The following PBX1 variants were observed in gnomAD, a reference collection of about 807,000 sequenced individuals.
PBX1 encodes the protein pre-B-cell leukemia transcription factor 1.
In PBX1, 6 loss-of-function variants were observed where a neutral mutation model predicts 53.4. The observed-to-expected ratio is 0.11, with a 90% CI of 0.06 to 0.22. The LOEUF is 0.22. Among genes scored for constraint, PBX1 ranks in the 10% least tolerant of loss-of-function variants. The pLI is 1.00. For synonymous variants in PBX1, 204 were observed against 212.3 expected (o/e 0.96, Z 0.34); for missense variants, 251 against 551.4 (o/e 0.46, Z 5.46).
chr1:164,799,369 T>C (rs1668948920), intron 3 of PBX1, among the ~76,000 whole-genome samples: 1 of 151,944 alleles, frequency 6.6e-6, no homozygotes, highest in African/African-American at 2.4e-5. Context: ...CGGGCGCCTG[T>C]AGTCCCAGCT....
intron 2 of PBX1, among the ~76,000 whole-genome samples, chr1:164,675,906 C>G (rs964359207): frequency 1.3e-5 from 2 of 152,168 alleles, no homozygotes; most frequent in African/African-American, 4.8e-5. Flanking sequence ...TGCCAGGTCT[C>G]TCTCTACTCT....
In PBX1 at chr1:164,848,218, G is replaced by A. The variant is rs1671663956; in HGVS notation, c.*1542G>A. The A allele has an allele frequency of 3.8e-6, 4 of 1,051,442 alleles. No homozygotes were observed. The highest frequency in any genetic ancestry group is 3.4e-6 in the Non-Finnish European group (3 of 870,720). 65.1% of individuals were successfully genotyped at this position (1,051,442 alleles called of 1,614,324 possible). ...TGTACTAAAAATACATGAGAAAATA[G>A]CATGTATATGAAAGCTATTCTCAAA... On this transcript the variant is annotated 3_prime_UTR_variant, in exon 9 of 9. Transcript: ENST00000420696.
At chr1:164,852,022 G>T (rs1013987717), downstream of PBX1, among the ~76,000 whole-genome samples, 2 of 152,114 alleles carry the variant, frequency 1.3e-5, no homozygotes, top group Non-Finnish European at 2.9e-5. Flanking sequence ...AGGAAGGAAG[G>T]ATCATTTGTG....
chr1:164,678,192 G>T (rs919001257), intron 2 of PBX1, among the ~76,000 whole-genome samples: 1 of 152,140 alleles, frequency 6.6e-6, no homozygotes, highest in Admixed American at 6.5e-5. Flanking sequence ...TATAGGATGA[G>T]GATGTCCTTT....
intron 2 of PBX1, among the ~76,000 whole-genome samples, chr1:164,752,205 T>TG (rs1666268875): frequency 3.8e-5 from 4 of 106,598 alleles, no homozygotes; most frequent in Middle Eastern, 4.2e-3. Flanking sequence ...CCTTTAAGGT[T>TG]TTGTGTGTGT....
intron 2 of PBX1, among the ~76,000 whole-genome samples, chr1:164,694,295 GCCT>G (rs1458819848): frequency 6.6e-6 from 1 of 152,010 alleles, no homozygotes; most frequent in East Asian, 1.9e-4. Flanking sequence ...CTTCAATGTT[GCCT>G]CCTCAGCCCA....
At chr1:164,705,215 T>C (rs1167462275) in intron 2 of PBX1, among the ~76,000 whole-genome samples, 1 of 152,178 alleles carries the variant, frequency 6.6e-6, no homozygotes. Flanking sequence ...CATTGCCAGA[T>C]GTCTCCTGGG....
chr1:164,645,097 ACT>A (rs1659373067), intron 2 of PBX1, among the ~76,000 whole-genome samples: 2 of 151,996 alleles, frequency 1.3e-5, no homozygotes, highest in South Asian at 4.2e-4. Flanking sequence ...GAGTGGGAGG[ACT>A]CTATCGATTT....
intron 2 of PBX1, among the ~76,000 whole-genome samples, chr1:164,774,093 T>C (rs1474339331): frequency 1.3e-5 from 2 of 152,192 alleles, no homozygotes; most frequent in Non-Finnish European, 2.9e-5. Context: ...AATGAGTTGT[T>C]GAATTGTTTT....
intron 2 of PBX1, among the ~76,000 whole-genome samples, chr1:164,720,579 C>T (rs988891648): frequency 6.6e-6 from 1 of 152,182 alleles, no homozygotes; most frequent in Non-Finnish European, 1.5e-5. Flanking sequence ...CTTCTGACTT[C>T]ATTTGGAAGA....
chr1:164,860,919 C>T (rs143216418), intron 2 of PBX1, among the ~76,000 whole-genome samples: 99 of 151,528 alleles, frequency 6.5e-4, no homozygotes, highest in African/African-American at 1.8e-3. Context: ...TGAAGGAGAG[C>T]GCAGATGGGG....
At chr1:164,751,774 G>C (rs1017103838) in intron 2 of PBX1, among the ~76,000 whole-genome samples, 2 of 151,434 alleles carry the variant, frequency 1.3e-5, no homozygotes, top group African/African-American at 2.4e-5. Flanking sequence ...TAGAGGCAGG[G>C]TTTCACCATG....
chr1:164,572,702 A>G (rs1337890944), intron 2 of PBX1, among the ~76,000 whole-genome samples: 6 of 152,226 alleles, frequency 3.9e-5, no homozygotes, highest in African/African-American at 1.2e-4. Context: ...GAAGATAATA[A>G]TATGTATGAT....
chr1:164,600,329 G>A (rs962511145), intron 2 of PBX1, among the ~76,000 whole-genome samples: 1 of 137,598 alleles, frequency 7.3e-6, no homozygotes, highest in African/African-American at 2.6e-5. Context: ...TCGGCTCACC[G>A]CAACCTCCAC....
chr1:164,585,286 G>T (rs2101751447), intron 2 of PBX1, among the ~76,000 whole-genome samples: 1 of 152,270 alleles, frequency 6.6e-6, no homozygotes. Context: ...GTCATGGTCT[G>T]TGATATCTCA....
At chr1:164,641,358 T>A (rs1387549849) in intron 2 of PBX1, 1 of 152,828 alleles carries the variant, frequency 6.5e-6, no homozygotes, top group Non-Finnish European at 1.5e-5. Flanking sequence ...GAAACTAGCT[T>A]GGACCTGGAG....
At chr1:164,803,026 G>A (rs1478677359) in intron 4 of PBX1, among the ~76,000 whole-genome samples, 1 of 152,116 alleles carries the variant, frequency 6.6e-6, no homozygotes, top group Non-Finnish European at 1.5e-5. Flanking sequence ...CTGCAATAGA[G>A]GGGATTACAT....
chr1:164,562,547 G>A (rs1283387186), intron 1 of PBX1, among the ~76,000 whole-genome samples: 5 of 150,872 alleles, frequency 3.3e-5, no homozygotes, highest in African/African-American at 1.2e-4. Context: ...TCCCCCAATG[G>A]GTGCAAGGTC....
At chr1:164,759,603 G>A (rs1213247024) in intron 2 of PBX1, among the ~76,000 whole-genome samples, 1 of 152,130 alleles carries the variant, frequency 6.6e-6, no homozygotes, top group African/African-American at 2.4e-5. Context: ...AGGGCCTAGA[G>A]GGGGAAAGAA....
Sources: allele counts gnomAD v4.1 joint callset (sites outside exome capture counted in the v4.1 genomes callset), GRCh38; gene constraint gnomAD v4.1.1; transcripts MANE v1.5; gene names NCBI Gene and HGNC (gene_info 2026-07-23, HGNC 2026-07-21).